Variants in ATP13A4 observed in about 807,000 individuals in gnomAD.
ATP13A4 encodes the protein probable cation-transporting ATPase 13A4.
A neutral mutation model predicts 142.5 loss-of-function variants in ATP13A4; 114 were observed. The observed-to-expected ratio is 0.80, with a 90% confidence interval of 0.69 to 0.93. The LOEUF is 0.93. ATP13A4 is among the 40% of genes least tolerant of loss of function. The pLI, the probability that ATP13A4 is intolerant of heterozygous loss-of-function variation, is 0.00. For missense variants in ATP13A4, 1,392 were observed against 1,454.0 expected, an observed-to-expected ratio of 0.96 and a Z score of 0.69; for synonymous variants, 488 against 514.8, an observed-to-expected ratio of 0.95 and a Z score of 0.70.
At chr3:193,522,411 T>G (rs759881525) in intron 1 of ATP13A4, among the ~76,000 whole-genome samples, 3 of 152,216 alleles carry the variant, frequency 2.0e-5, no homozygotes, top group Non-Finnish European at 2.9e-5. Flanking sequence ...GCTGCTTTAA[T>G]TCTCACAATC....
chr3:193,474,322 CAAAAAAAAAAAAAAAAAAA>C (rs1176133187), intron 8 of ATP13A4, among the ~76,000 whole-genome samples: 1 of 69,090 alleles, frequency 1.4e-5, no homozygotes, highest in African/African-American at 5.1e-5. Flanking sequence ...GACTCCGTCT[CAAAAAAAAAAAAAAAAAAA>C]AAAAAACAAA....
At chr3:193,592,147 G>T in intron 1 of ATP13A4, among the ~76,000 whole-genome samples, 1 of 115,544 alleles carries the variant, frequency 8.7e-6, no homozygotes, top group Admixed American at 1.1e-4. Flanking sequence ...TGGGTGGGGG[G>T]CGGGTAGTGG....
At chr3:193,468,412 T>C (rs1718428468) in intron 9 of ATP13A4, among the ~76,000 whole-genome samples, 1 of 152,130 alleles carries the variant, frequency 6.6e-6, no homozygotes, top group African/African-American at 2.4e-5. Context: ...GTCTGAACTA[T>C]AACAGCTGGC....
chr3:193,448,157 A>G (rs1281314169), intron 18 of ATP13A4, 49 bp downstream of exon 18: 1 of 1,607,712 alleles, frequency 6.2e-7, no homozygotes, highest in Non-Finnish European at 8.5e-7. Context: ...AACCATGTCT[A>G]TTTCCACATC....
intron 18 of ATP13A4, among the ~76,000 whole-genome samples, chr3:193,446,996 A>C (rs1424951687): frequency 6.6e-6 from 1 of 152,236 alleles, no homozygotes; most frequent in African/African-American, 2.4e-5. Flanking sequence ...AAGCATATGT[A>C]AGAAATCTAA....
intron 16 of ATP13A4, among the ~76,000 whole-genome samples, chr3:193,455,878 C>A (rs971389713): frequency 2.0e-5 from 3 of 152,124 alleles, no homozygotes; most frequent in African/African-American, 7.2e-5. Flanking sequence ...GAGATCATGT[C>A]CTTTGCAGAG....
chr3:193,525,058 C>T (rs181840761), intron 1 of ATP13A4, among the ~76,000 whole-genome samples: 1 of 152,318 alleles, frequency 6.6e-6, no homozygotes, highest in East Asian at 1.9e-4. Flanking sequence ...TTTGTCTGTT[C>T]AAACTATGCG....
intron 2 of ATP13A4, among the ~76,000 whole-genome samples, chr3:193,560,893 C>A (rs1056258678): frequency 1.3e-5 from 2 of 152,186 alleles, no homozygotes; most frequent in African/African-American, 2.4e-5. Context: ...GAAATGTTCC[C>A]AACAAGCAGT....
chr3:193,588,840 T>A (rs1724713604), intron 1 of ATP13A4, among the ~76,000 whole-genome samples: 1 of 152,024 alleles, frequency 6.6e-6, no homozygotes, highest in Non-Finnish European at 1.5e-5. Flanking sequence ...TTACTCTTTT[T>A]AAAAAAATAT....
chr3:193,586,743 C>G (rs1353095030), intron 1 of ATP13A4, among the ~76,000 whole-genome samples: 1 of 152,234 alleles, frequency 6.6e-6, no homozygotes, highest in African/African-American at 2.4e-5. Context: ...CAATACCACA[C>G]AGTCTTGATT....
chr3:193,413,477 G>C (rs568862683), intron 26 of ATP13A4, among the ~76,000 whole-genome samples: 5 of 152,300 alleles, frequency 3.3e-5, no homozygotes, highest in South Asian at 4.1e-4. Context: ...AGGCAGAATA[G>C]AGCCATATTT....
In ATP13A4 at chr3:193,414,902, A is replaced by C. The variant is rs998477344; in HGVS notation, c.2843-152T>G. 4.6e-5 allele frequency: 36 copies of C among 778,720 alleles called. No individual in the cohort carries two copies. In the African/African-American group the frequency reaches 5.2e-4, roughly 11 times the overall value. The allele number at this position is 778,720 out of a possible 1,614,324, so 48.2% of individuals were successfully genotyped here. The stretch of plus-strand genomic sequence containing the variant: ...AGGGAATAAAACAATTAATGGACTC[A>C]AATTCAAGTCATGTAAAGAATTCTT... On this transcript the variant is annotated intron_variant, in intron 25 of 29. Coordinates refer to ENST00000342695, the MANE Select transcript of ATP13A4 (RefSeq NM_032279.4).
At chr3:193,536,568 C>T (rs1372455044) in intron 1 of ATP13A4, among the ~76,000 whole-genome samples, 1 of 151,906 alleles carries the variant, frequency 6.6e-6, no homozygotes, top group African/African-American at 2.4e-5. Flanking sequence ...CTTTATTCCC[C>T]ATAATATCAG....
At chr3:193,496,705 C>T (rs557370979) in intron 3 of ATP13A4, among the ~76,000 whole-genome samples, 66 of 152,146 alleles carry the variant, frequency 4.3e-4, no homozygotes, top group East Asian at 1.2e-3. Flanking sequence ...GTAGGAGAAT[C>T]GCTTGGACCT....
intron 2 of ATP13A4, among the ~76,000 whole-genome samples, chr3:193,576,662 G>A (rs574535349): frequency 6.6e-6 from 1 of 152,180 alleles, no homozygotes; most frequent in South Asian, 2.1e-4. Context: ...ATCAGTTAAA[G>A]TTCTTAATTG....
At chr3:193,437,570 T>G (rs1321724163) in intron 23 of ATP13A4, among the ~76,000 whole-genome samples, 1 of 152,138 alleles carries the variant, frequency 6.6e-6, no homozygotes, top group Non-Finnish European at 1.5e-5. Flanking sequence ...GCACATCAAT[T>G]AAATTTTCTG....
intron 2 of ATP13A4, among the ~76,000 whole-genome samples, chr3:193,573,299 A>ATATATACTTATATATATATATGTG (rs1724322018): frequency 6.4e-5 from 5 of 78,594 alleles, no homozygotes; most frequent in African/African-American, 3.3e-4. Flanking sequence ...ACACATATAT[A>ATATATACTTATATATATATATGTG]TATATATACA....
chr3:193,438,731 G>GA, intron 22 of ATP13A4, 147 bp from the exon 23 acceptor site: 1 of 766,806 alleles, frequency 1.3e-6, no homozygotes, highest in East Asian at 2.7e-5. Context: ...TGGAACATGA[G>GA]AAAAAGATGG....
intron 2 of ATP13A4, among the ~76,000 whole-genome samples, chr3:193,508,239 C>T (rs554547374): frequency 6.6e-6 from 1 of 152,184 alleles, no homozygotes; most frequent in African/African-American, 2.4e-5. Context: ...TTCAGCAAAA[C>T]CTGGTGTGTG....
Sources: allele counts gnomAD v4.1 joint callset (sites outside exome capture counted in the v4.1 genomes callset), GRCh38; gene constraint gnomAD v4.1.1; transcripts MANE v1.5; gene names NCBI Gene and HGNC (gene_info 2026-07-23, HGNC 2026-07-21).